MAP3K13: variants seen among roughly 807,000 people sequenced by gnomAD.
MAP3K13 encodes the protein leucine zipper-bearing kinase.
In MAP3K13, 52 loss-of-function variants were observed where a neutral mutation model predicts 104.0. The observed-to-expected ratio is 0.50, with a 90% CI of 0.40 to 0.63. The LOEUF (loss-of-function observed/expected upper bound fraction) is 0.63. Among genes scored for constraint, MAP3K13 ranks in the 20% least tolerant of loss-of-function variants. MAP3K13 has a pLI of 0.00. For missense variants in MAP3K13, 914 were observed against 1,218.5 expected (o/e 0.75, Z 3.72); for synonymous variants, 394 against 442.2 (o/e 0.89, Z 1.37).
chr3:185,447,098 T>C (rs767114593), intron 4 of MAP3K13, among the ~76,000 whole-genome samples: 1 of 152,058 alleles, frequency 6.6e-6, no homozygotes, highest in Non-Finnish European at 1.5e-5. Context: ...GCCTTATACA[T>C]GTGAAAAAAA....
chr3:185,417,635 C>T (rs1295941281), intron 1 of MAP3K13: 1 of 1,611,816 alleles, frequency 6.2e-7, no homozygotes, highest in African/African-American at 1.3e-5. Context: ...GCCTTCTTTC[C>T]TTTCTTACCT....
At chr3:185,458,888 G>A in intron 7 of MAP3K13, among the ~76,000 whole-genome samples, 1 of 152,192 alleles carries the variant, frequency 6.6e-6, no homozygotes, top group South Asian at 2.1e-4. Flanking sequence ...TCAATACAAT[G>A]TTAGATTCTG....
chr3:185,479,044 G>A (rs1718299340), intron 12 of MAP3K13, among the ~76,000 whole-genome samples: 1 of 151,906 alleles, frequency 6.6e-6, no homozygotes, highest in African/African-American at 2.4e-5. Context: ...TATAAACAAC[G>A]GGAAGGAACT....
chr3:185,303,690 G>T (rs1278032516), intron 2 of MAP3K13, among the ~76,000 whole-genome samples: 1 of 151,432 alleles, frequency 6.6e-6, no homozygotes, highest in African/African-American at 2.4e-5. Context: ...TTTAATTTTT[G>T]TTATTTGAAT....
intron 2 of MAP3K13, among the ~76,000 whole-genome samples, chr3:185,317,118 C>A (rs1309586995): frequency 3.3e-5 from 5 of 152,132 alleles, no homozygotes; most frequent in Middle Eastern, 3.2e-3. Flanking sequence ...TTCTGAAACA[C>A]CAATATGTTC....
chr3:185,430,156 A>G (rs1004659363), intron 2 of MAP3K13, among the ~76,000 whole-genome samples: 1 of 152,286 alleles, frequency 6.6e-6, no homozygotes, highest in African/African-American at 2.4e-5. Context: ...AGATCGTGCC[A>G]CTGCATTCCA....
At position 185,455,725 on chromosome 3, in the gene MAP3K13, G is replaced by GAT. The variant is rs1184851834; in HGVS notation, c.1278+4339_1278+4340dup. On this transcript the variant is annotated intron_variant, in intron 7 of 13. Coordinates refer to ENST00000265026, the MANE Select transcript of MAP3K13 (RefSeq NM_004721.5). ...TATGAGATATATATGAGATATATAT[G>GAT]ATATATATATGAGATATATATATGA... 8.4e-4 allele frequency among the ~76,000 whole-genome samples: 13 copies of GAT among 15,404 alleles called. 2 individuals are homozygous for GAT. The highest frequency in any genetic ancestry group is 2.7e-4 in the African/African-American group (2 of 7,340). 10.1% of individuals were successfully genotyped at this position (15,404 alleles called of 152,430 possible).
intron 1 of MAP3K13, 76 bp downstream of exon 1, chr3:185,363,444 G>C: frequency 1.3e-6 from 1 of 788,322 alleles, no homozygotes; most frequent in Non-Finnish European, 1.5e-6. Flanking sequence ...TGTGATTTGA[G>C]GTGATTAGAA....
intron 1 of MAP3K13, among the ~76,000 whole-genome samples, chr3:185,401,283 C>A (rs1712798769): frequency 6.6e-6 from 1 of 152,126 alleles, no homozygotes; most frequent in Admixed American, 6.6e-5. Context: ...CCTCTAATTG[C>A]CAAAATGTAA....
At chr3:185,430,084 C>T (rs1430028405) in intron 2 of MAP3K13, among the ~76,000 whole-genome samples, 1 of 151,926 alleles carries the variant, frequency 6.6e-6, no homozygotes, top group Non-Finnish European at 1.5e-5. Flanking sequence ...CCTGTAGTCC[C>T]AGCTATTTGG....
At chr3:185,426,587 G>T (rs1714434849) in intron 1 of MAP3K13, among the ~76,000 whole-genome samples, 1 of 152,132 alleles carries the variant, frequency 6.6e-6, no homozygotes, top group Admixed American at 6.5e-5. Context: ...GGCATGCAAA[G>T]CTCCTTATAG....
chr3:185,283,247 A>G (rs548939152), intron 1 of MAP3K13: 2 of 152,478 alleles, frequency 1.3e-5, no homozygotes, highest in East Asian at 3.9e-4. Context: ...TCGAGGAAAT[A>G]CAGACAGGTT....
At position 185,465,829 on chromosome 3, in the gene MAP3K13, C is replaced by G. The variant is rs757670245; in HGVS notation, c.1471C>G (p.Leu491Val). The G allele has an allele frequency of 1.9e-6, 3 of 1,613,976 alleles. No individual in the cohort carries two copies. In the Admixed American group the frequency reaches 5.0e-5, roughly 27 times the overall value. ...NLYMELSAIMLQLEMREKELI... is the reference protein window; with the variant it reads ...NLYMELSAIMVQLEMREKELI... ...ATACATGGAATTGAGTGCCATCATG[C>G]TGCAGCTAGAAATGCGGGAGAAGGA... The change falls in exon 9 of 14, where the codon CTG becomes GTG. Residue 491 changes from leucine (L) to valine (V), a missense_variant. By Grantham distance (32) the Leu-to-Val change is conservative (BLOSUM62 1). Around this residue, in one of 3 missense-constraint regions of MAP3K13, gnomAD observed 583 missense variants for 737.4 expected, o/e 0.79. Coordinates refer to ENST00000265026, the MANE Select transcript of MAP3K13 (RefSeq NM_004721.5).
intron 7 of MAP3K13, among the ~76,000 whole-genome samples, chr3:185,461,826 G>GT (rs1370023703): frequency 3.9e-5 from 6 of 152,090 alleles, no homozygotes; most frequent in Admixed American, 6.5e-5. Flanking sequence ...GCCTCCCAAA[G>GT]TGCTGGAATT....
intron 1 of MAP3K13, among the ~76,000 whole-genome samples, chr3:185,372,697 T>C (rs1724217355): frequency 2.0e-5 from 3 of 152,196 alleles, no homozygotes. Flanking sequence ...CAAATTTTCT[T>C]ATAAACAGCC....
chr3:185,305,898 G>A (rs1265926199), intron 2 of MAP3K13, among the ~76,000 whole-genome samples: 2 of 152,194 alleles, frequency 1.3e-5, no homozygotes, highest in East Asian at 1.9e-4. Context: ...GTACCCAATA[G>A]TTAGTGTTTC....
intron 7 of MAP3K13, among the ~76,000 whole-genome samples, chr3:185,460,763 A>G (rs188701202): frequency 6.3e-4 from 96 of 152,270 alleles, no homozygotes; most frequent in Admixed American, 5.2e-3. Context: ...CACAGGAGGG[A>G]ACTTCTTTTC....
intron 1 of MAP3K13, among the ~76,000 whole-genome samples, chr3:185,375,541 T>A (rs1341488351): frequency 6.6e-6 from 1 of 152,154 alleles, no homozygotes; most frequent in Non-Finnish European, 1.5e-5. Context: ...AGGAGATATT[T>A]TCTTTGGTCC....
intron 1 of MAP3K13, among the ~76,000 whole-genome samples, chr3:185,411,992 C>A (rs1409278502): frequency 6.6e-6 from 1 of 152,050 alleles, no homozygotes; most frequent in Non-Finnish European, 1.5e-5. Flanking sequence ...CCACGTTGGC[C>A]AGGCTGGTCT....
Sources: gnomAD v4.1 joint callset for allele counts (sites outside exome capture counted in the v4.1 genomes callset) on GRCh38, gnomAD v4.1.1 for gene constraint, gnomAD v4.1.1 regional missense constraint, MANE v1.5 for transcripts, NCBI Gene and HGNC (gene_info 2026-07-23, HGNC 2026-07-21) for gene names.